Variants in DLG2 observed in about 807,000 individuals in gnomAD.
DLG2 encodes the protein disks large homolog 2.
DLG2 carries 45 observed loss-of-function variants against 132.5 expected under a neutral mutation model. The ratio of observed to expected loss-of-function variants is 0.34; its 90% CI spans 0.27 to 0.44. The LOEUF is 0.44. Among genes scored for constraint, DLG2 ranks in the 20% least tolerant of loss-of-function variants. DLG2 has a pLI of 1.00. For synonymous variants in DLG2, 424 were observed against 419.6 expected (o/e 1.01, Z -0.13); for missense variants, 1,045 against 1,196.9 (o/e 0.87, Z 1.87).
At chr11:84,452,000 A>T (rs1465911080) in intron 7 of DLG2, among the ~76,000 whole-genome samples, 2 of 151,758 alleles carry the variant, frequency 1.3e-5, no homozygotes, top group Non-Finnish European at 2.9e-5. Flanking sequence ...GAAAAAGTAG[A>T]TGAATCTAGA....
chr11:84,537,139 C>A (rs892105656), intron 6 of DLG2, among the ~76,000 whole-genome samples: 4 of 152,090 alleles, frequency 2.6e-5, no homozygotes, highest in Non-Finnish European at 4.4e-5. Context: ...GACTCCAGCT[C>A]TTGTCACCCC....
At chr11:85,417,386 G>A (rs1461619097) in intron 3 of DLG2, among the ~76,000 whole-genome samples, 1 of 152,144 alleles carries the variant, frequency 6.6e-6, no homozygotes, top group Admixed American at 6.6e-5. Context: ...GTTCATCAGG[G>A]ATACTGACCT....
At chr11:84,157,352 G>C (rs945767934) in intron 9 of DLG2, among the ~76,000 whole-genome samples, 1 of 152,032 alleles carries the variant, frequency 6.6e-6, no homozygotes, top group African/African-American at 2.4e-5. Context: ...TTTTTATTTA[G>C]CATGTTACTT....
intron 7 of DLG2, among the ~76,000 whole-genome samples, chr11:84,425,316 G>A (rs1316903013): frequency 6.6e-6 from 1 of 152,080 alleles, no homozygotes; most frequent in African/African-American, 2.4e-5. Flanking sequence ...GTGATTTTAA[G>A]AAACTGGAGA....
At chr11:84,729,430 G>C (rs2062883089) in intron 6 of DLG2, among the ~76,000 whole-genome samples, 1 of 152,134 alleles carries the variant, frequency 6.6e-6, no homozygotes, top group Admixed American at 6.5e-5. Context: ...TGATTGCACT[G>C]TGGTCCGAGA....
At chr11:83,960,789 C>T (rs1424396308) in intron 14 of DLG2, among the ~76,000 whole-genome samples, 2 of 151,948 alleles carry the variant, frequency 1.3e-5, no homozygotes, top group Admixed American at 6.6e-5. Context: ...ACCTCTGAGA[C>T]CCATGGTAAC....
At chr11:84,454,899 T>C (rs531830456) in intron 7 of DLG2, among the ~76,000 whole-genome samples, 1 of 151,594 alleles carries the variant, frequency 6.6e-6, no homozygotes, top group South Asian at 2.1e-4. Flanking sequence ...GTATTCATTC[T>C]CTTGTTTGTG....
chr11:85,432,188 C>A (rs1274947512), intron 3 of DLG2, among the ~76,000 whole-genome samples: 2 of 152,166 alleles, frequency 1.3e-5, no homozygotes, highest in African/African-American at 2.4e-5. Context: ...CCTCAAAGAT[C>A]GAATCTAGAC....
chr11:85,483,340 T>A lies in DLG2; in HGVS notation c.40+115317A>T, dbSNP rs560783085. Among the ~76,000 whole-genome samples, 205 of 152,256 alleles carry A rather than the reference T, an allele frequency of 1.3e-3. 1 individual carries two copies. Among genetic ancestry groups the A allele is most frequent in the South Asian group, 5.4e-3 (26 of 4,824 alleles). On this transcript the variant is annotated intron_variant, in intron 3 of 27. Coordinates refer to ENST00000376104, the MANE Select transcript of DLG2 (RefSeq NM_001142699.3). ...GTGCTGAAGTGTAAAAAATTTTTTTTAAAAAATGTGCCAACTAAGAATACT... is the reference window on the plus strand; with the variant it reads ...GTGCTGAAGTGTAAAAAATTTTTTTAAAAAAATGTGCCAACTAAGAATACT...
At chr11:85,264,303 C>T (rs754174936) in intron 4 of DLG2, among the ~76,000 whole-genome samples, 1 of 152,140 alleles carries the variant, frequency 6.6e-6, no homozygotes. Flanking sequence ...AAGCAGAAAC[C>T]AGGGACAAGA....
intron 22 of DLG2, chr11:83,483,319 A>T (rs375884240): frequency 1.2e-6 from 2 of 1,604,142 alleles, no homozygotes; most frequent in Non-Finnish European, 1.7e-6. Context: ...GTCCCCAGAG[A>T]GAGCAATGAG....
intron 15 of DLG2, among the ~76,000 whole-genome samples, chr11:83,898,006 T>C (rs1192901172): frequency 2.6e-5 from 4 of 152,126 alleles, no homozygotes; most frequent in Admixed American, 6.6e-5. Flanking sequence ...GGATTGCCCC[T>C]TAGTCTGTTA....
chr11:84,691,576 C>A (rs10792772), intron 6 of DLG2, among the ~76,000 whole-genome samples: 151,873 of 151,874 alleles, frequency 1, 75,936 homozygotes, highest in Non-Finnish European at 1. Flanking sequence ...AGTATTCATC[C>A]AAAACCATCA....
chr11:84,331,835 C>T (rs1239621175), intron 7 of DLG2, among the ~76,000 whole-genome samples: 1 of 152,090 alleles, frequency 6.6e-6, no homozygotes, highest in East Asian at 1.9e-4. Flanking sequence ...AGATCTCACG[C>T]ATAAGCCAAT....
At chr11:85,583,330 T>G (rs1441760392) in intron 3 of DLG2, among the ~76,000 whole-genome samples, 8 of 149,254 alleles carry the variant, frequency 5.4e-5, no homozygotes, top group Non-Finnish European at 7.4e-5. Context: ...CATGACCAGC[T>G]TTTTGTTGTT....
At chr11:83,638,170 G>A (rs1205480008) in intron 18 of DLG2, among the ~76,000 whole-genome samples, 1 of 152,090 alleles carries the variant, frequency 6.6e-6, no homozygotes, top group Non-Finnish European at 1.5e-5. Flanking sequence ...CTCTATATAT[G>A]ATAACCCATT....
At chr11:84,646,010 C>T (rs1280420953) in intron 6 of DLG2, among the ~76,000 whole-genome samples, 1 of 152,204 alleles carries the variant, frequency 6.6e-6, no homozygotes, top group Admixed American at 6.5e-5. Context: ...TTCCCGAAAA[C>T]TTCTGAGAAG....
At chr11:84,889,170 C>T (rs1335595518) in intron 6 of DLG2, among the ~76,000 whole-genome samples, 1 of 152,076 alleles carries the variant, frequency 6.6e-6, no homozygotes, top group Non-Finnish European at 1.5e-5. Flanking sequence ...TTATCACTGA[C>T]AAACGGACAA....
intron 4 of DLG2, among the ~76,000 whole-genome samples, chr11:85,215,840 CAATTT>C (rs2082554750): frequency 6.6e-6 from 1 of 151,996 alleles, no homozygotes; most frequent in African/African-American, 2.4e-5. Context: ...TGTCTTTTGT[CAATTT>C]AATTTACAGG....
Sources: gnomAD v4.1 joint callset for allele counts (sites outside exome capture counted in the v4.1 genomes callset) on GRCh38, gnomAD v4.1.1 for gene constraint, MANE v1.5 for transcripts, NCBI Gene and HGNC (gene_info 2026-07-23, HGNC 2026-07-21) for gene names.